The following SCGB2B2 variants were observed in gnomAD, a reference collection of about 807,000 sequenced individuals.
The protein encoded by SCGB2B2 is secretoglobin-like protein.
SCGB2B2 carries 11 observed loss-of-function variants against 7.6 expected under a neutral mutation model. The ratio of observed to expected loss-of-function variants is 1.45; its 90% CI spans 0.91 to 2.40. The LOEUF (loss-of-function observed/expected upper bound fraction) is 2.40. Ranked by LOEUF, SCGB2B2 falls within the 30% of genes most tolerant of loss-of-function variation. The pLI is 0.00. For missense variants in SCGB2B2, 104 were observed against 115.4 expected (o/e 0.90, Z 0.45); for synonymous variants, 50 against 48.6 (o/e 1.03, Z -0.12).
intron 1 of SCGB2B2, among the ~76,000 whole-genome samples, chr19:34,605,922 A>ATCT: frequency 6.6e-6 from 1 of 152,216 alleles, no homozygotes; most frequent in Middle Eastern, 3.4e-3. Flanking sequence ...GTATCAATGT[A>ATCT]TCTTTATTAA....
intron 1 of SCGB2B2, among the ~76,000 whole-genome samples, chr19:34,644,926 C>A (rs896654531): frequency 6.6e-6 from 1 of 152,200 alleles, no homozygotes; most frequent in African/African-American, 2.4e-5. Context: ...TTTATATAAA[C>A]TGAAGCACAA....
In SCGB2B2 at chr19:34,620,153, C is replaced by A. The variant is rs188469074; in HGVS notation, c.-2031-23559G>T. 2.6e-5 allele frequency among the ~76,000 whole-genome samples: 4 copies of A among 152,222 alleles called. No homozygotes were observed. The East Asian group carries it at 7.7e-4, about 29-fold the overall frequency. ...TGGAACGTGTTCTCAATATAATAAT[C>A]TTTTCTTAATTGGAAATGACCCAGG... On this transcript the variant is annotated intron_variant, in intron 1 of 3. Transcript: ENST00000601241.
chr19:34,588,648 G>A (rs1012978216), downstream of SCGB2B2, among the ~76,000 whole-genome samples: 1 of 152,184 alleles, frequency 6.6e-6, no homozygotes, highest in Non-Finnish European at 1.5e-5. Flanking sequence ...TCCATCTCCC[G>A]CTCCAGTCCC....
chr19:34,604,294 CATGCAGTT>C (rs1486972566), intron 1 of SCGB2B2, among the ~76,000 whole-genome samples: 2 of 152,192 alleles, frequency 1.3e-5, no homozygotes, highest in African/African-American at 4.8e-5. Context: ...TCAATAGGAC[CATGCAGTT>C]AGTCTTTCCT....
intron 1 of SCGB2B2, among the ~76,000 whole-genome samples, chr19:34,606,770 TCA>T (rs2065791658): frequency 6.6e-6 from 1 of 151,926 alleles, no homozygotes. Context: ...AATCTCTCAC[TCA>T]GTTAATTTAT....
At chr19:34,640,012 A>C (rs1298277878) in intron 1 of SCGB2B2, among the ~76,000 whole-genome samples, 3 of 152,140 alleles carry the variant, frequency 2.0e-5, no homozygotes, top group Non-Finnish European at 4.4e-5. Context: ...AAAATCTTGG[A>C]CTTTATGGCC....
At chr19:34,639,168 A>C (rs1351037728) in intron 1 of SCGB2B2, among the ~76,000 whole-genome samples, 2 of 152,228 alleles carry the variant, frequency 1.3e-5, no homozygotes, top group African/African-American at 4.8e-5. Context: ...CCTAAGGCTT[A>C]TTCTGTAGCA....
intron 1 of SCGB2B2, among the ~76,000 whole-genome samples, chr19:34,641,715 T>C (rs997362502): frequency 2.0e-5 from 3 of 152,190 alleles, no homozygotes; most frequent in Admixed American, 2.0e-4. Flanking sequence ...GCCCCTCTTA[T>C]GTCGACTAAA....
chr19:34,635,516 G>A (rs1255375180), intron 1 of SCGB2B2: 28 of 289,360 alleles, frequency 9.7e-5, no homozygotes, highest in Middle Eastern at 4.4e-4. Context: ...CGCTGCACCC[G>A]TAAGGCTTTA....
rs148464925 is a variant in SCGB2B2 at position 34,591,434 on chromosome 19, C to T, written c.*2121G>A. Among the ~76,000 whole-genome samples the T allele has an allele frequency of 1.8e-3, 272 of 152,310 alleles. 2 individuals carry two copies. Among genetic ancestry groups the T allele is most frequent in the African/African-American group, 5.8e-3 (241 of 41,568 alleles). ...CCAGGGCTGCACTGTGACAAGGCCA[C>T]GGTGTCTACCTGGACGGCCACAGGG... On this transcript the variant is annotated 3_prime_UTR_variant, in exon 4 of 4. Coordinates refer to ENST00000601241, the MANE Select transcript of SCGB2B2 (RefSeq NM_001025591.4).
chr19:34,597,389 G>C (rs780719089), intron 1 of SCGB2B2, among the ~76,000 whole-genome samples: 2 of 152,086 alleles, frequency 1.3e-5, no homozygotes, highest in Admixed American at 1.3e-4. Context: ...GACATTGGGG[G>C]TGGTGGTGGC....
intron 1 of SCGB2B2, chr19:34,646,056 G>A (rs897962978): frequency 1.1e-4 from 29 of 263,316 alleles, no homozygotes; most frequent in Admixed American, 4.8e-5. Context: ...CCTTGCTGTT[G>A]TTGGAATATG....
At position 34,590,726 on chromosome 19, in the gene SCGB2B2, T is replaced by C. The variant is rs1020226611; in HGVS notation, c.*2829A>G. 3.6e-4 allele frequency among the ~76,000 whole-genome samples: 53 copies of C among 145,424 alleles called. No homozygotes were observed. The highest frequency in any genetic ancestry group is 2.1e-4 in the Non-Finnish European group (14 of 66,632). ...TCACATATCATTAAGAATAACAGAG[T>C]CGTAAGCATTTTAGTTAAAGTAAAC... is the stretch of plus-strand genomic sequence containing the variant. On this transcript the variant is annotated 3_prime_UTR_variant, in exon 4 of 4. Coordinates refer to ENST00000601241, the MANE Select transcript of SCGB2B2 (RefSeq NM_001025591.4).
intron 1 of SCGB2B2, among the ~76,000 whole-genome samples, chr19:34,617,893 TTCCAGGTGCCGTCTGTCA>T (rs2066130624): frequency 1.3e-5 from 2 of 152,218 alleles, no homozygotes. Context: ...TGACCCGATT[TTCCAGGTGCCGTCTGTCA>T]CCCCTTTCTT....
At chr19:34,606,511 C>CTTTTCT (rs775984236) in intron 1 of SCGB2B2, among the ~76,000 whole-genome samples, 11 of 92,584 alleles carry the variant, frequency 1.2e-4, no homozygotes, top group Non-Finnish European at 1.9e-4. Context: ...TTTTTCTTTT[C>CTTTTCT]TTTTTCTTTT....
At chr19:34,644,477 C>T (rs1176065512) in intron 1 of SCGB2B2, among the ~76,000 whole-genome samples, 1 of 151,738 alleles carries the variant, frequency 6.6e-6, no homozygotes, top group Non-Finnish European at 1.5e-5. Context: ...ACCATCACCA[C>T]TATCGATGTC....
intron 1 of SCGB2B2, among the ~76,000 whole-genome samples, chr19:34,602,093 T>C (rs2065642226): frequency 1.3e-5 from 2 of 152,158 alleles, no homozygotes; most frequent in African/African-American, 4.8e-5. Context: ...TAGACACTCT[T>C]TGTTAGATTA....
At chr19:34,608,536 G>A (rs2065840552) in intron 1 of SCGB2B2, among the ~76,000 whole-genome samples, 1 of 151,088 alleles carries the variant, frequency 6.6e-6, no homozygotes, top group African/African-American at 2.4e-5. Context: ...CGGCAGATGA[G>A]TGAGAACATG....
Position 34,625,877 on chromosome 19 carries a change from G to A in SCGB2B2, c.-2031-29283C>T, listed in dbSNP as rs545743374. ...AAATGGGAGGCACCCACCAGTAGGG[G>A]CAGTCTGACACCTCACACAGCCGGG... is the stretch of plus-strand genomic sequence containing the variant. On this transcript the variant is annotated intron_variant, in intron 1 of 3. Coordinates refer to ENST00000601241, the MANE Select transcript of SCGB2B2 (RefSeq NM_001025591.4). Among the ~76,000 whole-genome samples, 287 of 152,296 alleles carry A rather than the reference G, an allele frequency of 1.9e-3. 2 individuals are homozygous for A. Among genetic ancestry groups the A allele is most frequent in the African/African-American group, 6.7e-3 (278 of 41,566 alleles).
Sources: allele counts gnomAD v4.1 joint callset (sites outside exome capture counted in the v4.1 genomes callset), GRCh38; gene constraint gnomAD v4.1.1; transcripts MANE v1.5; gene names NCBI Gene and HGNC (gene_info 2026-07-23, HGNC 2026-07-21).